Variants in PARD6G observed in about 807,000 individuals in gnomAD.
PARD6G encodes partitioning defective 6 homolog gamma.
PARD6G carries 7 observed loss-of-function variants against 10.7 expected under a neutral mutation model. The ratio of observed to expected loss-of-function variants is 0.66; its 90% CI spans 0.37 to 1.23. The LOEUF is 1.23. Ranked by LOEUF, PARD6G falls within the 50% of genes most tolerant of loss-of-function variation. PARD6G has a pLI of 0.02. For missense variants in PARD6G, 548 were observed against 571.8 expected, an observed-to-expected ratio of 0.96 and a Z score of 0.42; for synonymous variants, 287 against 269.4, an observed-to-expected ratio of 1.07 and a Z score of -0.64.
Position 80,202,894 on chromosome 18 carries a change from A to G in PARD6G, c.111T>C (p.His37=). The change falls in exon 2 of 3, where the codon CAT becomes CAC. Residue 37 remains histidine, a synonymous_variant. Transcript: ENST00000353265. ...AGAAATCTTCAAACTTCCCAGGCTT[A>G]TGACGGTCCAGAGAGAACCTTCGGA... ...AEFRRFSLDR[H]KPGKFEDFYK... is the part of the protein sequence containing the mutation. 6.4e-7 allele frequency: 1 copy of G among 1,558,158 alleles called. No individual in the cohort carries two copies. Among genetic ancestry groups the G allele is most frequent in the Non-Finnish European group, 8.7e-7 (1 of 1,149,000 alleles).
chr18:80,202,340 G>A (rs1967015560), intron 2 of PARD6G, among the ~76,000 whole-genome samples: 1 of 152,066 alleles, frequency 6.6e-6, no homozygotes. Context: ...AGTTATCATC[G>A]AAAGCTAACA....
Position 80,168,686 on chromosome 18 carries a change from C to T in PARD6G, c.296-8080G>A, listed in dbSNP as rs374386169. ...AGGCTGGAGTGCAATGGCACAATCT[C>T]GGCTCACTACAGCCTCCACCTCCCA... On this transcript the variant is annotated intron_variant, in intron 2 of 2. Coordinates refer to ENST00000353265, the MANE Select transcript of PARD6G (RefSeq NM_032510.4). The T allele has an allele frequency of 2.6e-4, 43 of 165,322 alleles. 1 individual carries two copies. In the South Asian group the frequency reaches 7.4e-3, roughly 28 times the overall value. 10.2% of individuals were successfully genotyped at this position (165,322 alleles called of 1,614,324 possible). A position where few individuals can be genotyped will look rare whatever the true frequency, so the allele number is the denominator to read the frequency against.
chr18:80,202,474 A>C (rs964438810), intron 2 of PARD6G: 2 of 431,294 alleles, frequency 4.6e-6, no homozygotes, highest in Admixed American at 7.8e-5. Context: ...GACTGGAAGT[A>C]TCAATATTAT....
At chr18:80,213,725 G>T (rs1226565322) in intron 1 of PARD6G, among the ~76,000 whole-genome samples, 8 of 152,090 alleles carry the variant, frequency 5.3e-5, no homozygotes, top group Non-Finnish European at 8.8e-5. Context: ...CTGGGAGGCC[G>T]AGGAGGGCGG....
chr18:80,211,120 G>T (rs964579990), intron 1 of PARD6G, among the ~76,000 whole-genome samples: 2 of 152,072 alleles, frequency 1.3e-5, no homozygotes, highest in African/African-American at 2.4e-5. Context: ...TTGCTTTTAA[G>T]TGAAAATTTT....
intron 1 of PARD6G, among the ~76,000 whole-genome samples, chr18:80,222,831 A>G (rs1967247428): frequency 6.6e-6 from 1 of 151,982 alleles, no homozygotes; most frequent in Non-Finnish European, 1.5e-5. Context: ...ACGCCACCAC[A>G]TCTGGCTAAT....
At chr18:80,241,142 C>A (rs567780285) in intron 1 of PARD6G, among the ~76,000 whole-genome samples, 1 of 152,320 alleles carries the variant, frequency 6.6e-6, no homozygotes, top group African/African-American at 2.4e-5. Context: ...CAGATTCAGA[C>A]AGCTGAGGGA....
chr18:80,182,681 C>T lies in PARD6G; in HGVS notation c.295+20029G>A, dbSNP rs1397587810. The stretch of plus-strand genomic sequence containing the variant: ...GTGCAAGTCCAACAGACACCCTTTC[C>T]AGTCACCTAGACATCACCTGGGTGT... On this transcript the variant is annotated intron_variant, in intron 2 of 2. Transcript: ENST00000353265. The surrounding 1 kb of genome is among the most constrained non-coding windows in gnomAD (Gnocchi z 4.5). Among the ~76,000 whole-genome samples, 1 of 152,214 alleles carries T rather than the reference C, an allele frequency of 6.6e-6. No individual in the cohort carries two copies. Among genetic ancestry groups the T allele is most frequent in the East Asian group, 1.9e-4 (1 of 5,198 alleles).
At chr18:80,209,264 C>T (rs1399026347) in intron 1 of PARD6G, among the ~76,000 whole-genome samples, 1 of 152,072 alleles carries the variant, frequency 6.6e-6, no homozygotes, top group African/African-American at 2.4e-5. Flanking sequence ...GCCTATGAAT[C>T]CCATGTTTAT....
At chr18:80,245,699 A>C (rs1967536819) in intron 1 of PARD6G, among the ~76,000 whole-genome samples, 1 of 152,134 alleles carries the variant, frequency 6.6e-6, no homozygotes, top group African/African-American at 2.4e-5. Flanking sequence ...TGTCTACTGT[A>C]CTAGATAGTG....
chr18:80,218,817 G>A (rs910902529), intron 1 of PARD6G, among the ~76,000 whole-genome samples: 1 of 152,234 alleles, frequency 6.6e-6, no homozygotes, highest in African/African-American at 2.4e-5. Context: ...CACATCCTCT[G>A]AAATCTAGGC....
At chr18:80,177,082 GCA>G (rs1217419393) in intron 2 of PARD6G, among the ~76,000 whole-genome samples, 25 of 104,462 alleles carry the variant, frequency 2.4e-4, no homozygotes, top group African/African-American at 7.9e-4. Flanking sequence ...TGGAAAGCGC[GCA>G]CACACACACA....
At chr18:80,202,151 GA>G (rs1244604958) in intron 2 of PARD6G, 1 of 152,252 alleles carries the variant, frequency 6.6e-6, no homozygotes, top group Non-Finnish European at 1.5e-5. Flanking sequence ...CCGAAGTTTG[GA>G]GATGGAAAAA....
intron 1 of PARD6G, among the ~76,000 whole-genome samples, chr18:80,208,960 C>T (rs1479877955): frequency 2.0e-5 from 3 of 152,010 alleles, no homozygotes; most frequent in Non-Finnish European, 2.9e-5. Context: ...CTTAGGCAGG[C>T]GTGGTGGCAC....
At chr18:80,177,126 A>G (rs1045981005) in intron 2 of PARD6G, among the ~76,000 whole-genome samples, 53 of 146,998 alleles carry the variant, frequency 3.6e-4, no homozygotes, top group Non-Finnish European at 3.3e-4. Flanking sequence ...AATGGGAAGC[A>G]CACACACACA....
In PARD6G at chr18:80,181,232, G is replaced by C. The variant is rs1463264993; in HGVS notation, c.296-20626C>G. Among the ~76,000 whole-genome samples, 2 of 152,116 alleles carry C rather than the reference G, an allele frequency of 1.3e-5. No homozygotes were observed. Among genetic ancestry groups the C allele is most frequent in the African/African-American group, 4.8e-5 (2 of 41,404 alleles). On this transcript the variant is annotated intron_variant, in intron 2 of 2. Transcript: ENST00000353265. The surrounding 1 kb of genome is among the most constrained non-coding windows in gnomAD (Gnocchi z 7.9). ...ACTGGTGTGTGCACCAAGCATGCCA[G>C]GGACCCCAGGTCACACGCCCCTGGG...
At chr18:80,223,805 G>C (rs1010880322) in intron 1 of PARD6G, among the ~76,000 whole-genome samples, 26 of 152,186 alleles carry the variant, frequency 1.7e-4, no homozygotes, top group Non-Finnish European at 7.3e-5. Flanking sequence ...TGTTCCAAGG[G>C]ACCAAGGGAG....
chr18:80,228,536 G>A lies in PARD6G; in HGVS notation c.72+18741C>T, dbSNP rs972821032. Among the ~76,000 whole-genome samples the A allele has an allele frequency of 3.4e-5, 5 of 146,860 alleles. No homozygotes were observed. The South Asian group carries it at 8.5e-4, about 25-fold the overall frequency. Reference sequence around the variant, plus strand: ...CCCCAAGGTGCGCAGACTGTCTCTCGTCTAAGGTCCCAGACACCACAGGGT... The same window carrying A: ...CCCCAAGGTGCGCAGACTGTCTCTCATCTAAGGTCCCAGACACCACAGGGT... On this transcript the variant is annotated intron_variant, in intron 1 of 2. Coordinates refer to ENST00000353265, the MANE Select transcript of PARD6G (RefSeq NM_032510.4). The surrounding 1 kb of genome is among the most constrained non-coding windows in gnomAD (Gnocchi z 4.6).
At chr18:80,162,324 T>C (rs2052705883) in intron 2 of PARD6G, 2 of 153,106 alleles carry the variant, frequency 1.3e-5, no homozygotes, top group Non-Finnish European at 2.9e-5. Flanking sequence ...TTATGCATTG[T>C]ATGCCTGTAT....
Sources: gnomAD v4.1 joint callset for allele counts (sites outside exome capture counted in the v4.1 genomes callset) on GRCh38, gnomAD v4.1.1 for gene constraint, Gnocchi (gnomAD v3.1) non-coding constraint, MANE v1.5 for transcripts, NCBI Gene and HGNC (gene_info 2026-07-23, HGNC 2026-07-21) for gene names.